WDFY4: variants seen among roughly 807,000 people sequenced by gnomAD.
WDFY4 encodes WD repeat- and FYVE domain-containing protein 4.
Under a neutral mutation model 351.9 loss-of-function variants are expected in WDFY4, and 169 were observed. That is an observed-to-expected ratio of 0.48 (90% CI 0.42 to 0.55). WDFY4 has a LOEUF of 0.55. Among genes scored for constraint, WDFY4 ranks in the 20% least tolerant of loss-of-function variants. The pLI, the probability that WDFY4 is intolerant of heterozygous loss-of-function variation, is 0.00. For synonymous variants in WDFY4, 1,622 were observed against 1,574.6 expected (o/e 1.03, Z -0.71); for missense variants, 3,803 against 3,935.6 (o/e 0.97, Z 0.90).
chr10:48,741,428 G>A (rs926647306), intron 11 of WDFY4, among the ~76,000 whole-genome samples: 16 of 134,950 alleles, frequency 1.2e-4, no homozygotes, highest in Admixed American at 7.3e-4. Context: ...ACTCCAGCCT[G>A]GGTGACAGAG....
chr10:48,770,110 G>C (rs571462613), intron 13 of WDFY4, among the ~76,000 whole-genome samples: 2 of 152,146 alleles, frequency 1.3e-5, no homozygotes, highest in Non-Finnish European at 2.9e-5. Context: ...AAAAAACAGC[G>C]CATTTTATTC....
At position 48,806,075 on chromosome 10, in the gene WDFY4, C is replaced by A; in HGVS notation, c.4718C>A (p.Ala1573Asp). 1 of 1,551,668 alleles carries A rather than the reference C, an allele frequency of 6.4e-7. No homozygotes were observed. The highest frequency in any genetic ancestry group is 8.7e-7 in the Non-Finnish European group (1 of 1,146,986). Residue 1573 changes from alanine to aspartate, a missense_variant, in exon 27 of 62, where the codon GCC becomes GAC. Transcript: ENST00000325239. ...VNERQICMDG[A>D]LDPSLPAGSQ... ...GAGAGGCAGATCTGCATGGACGGAG[C>A]CCTGGACCCTTCCCTGCCTGGTGAG...
chr10:48,802,787 G>A lies in WDFY4; in HGVS notation c.4411-499G>A, dbSNP rs567626621. 844 of 472,202 alleles carry A rather than the reference G, an allele frequency of 1.8e-3. 11 individuals are homozygous for A. Among genetic ancestry groups the A allele is most frequent in the South Asian group, 0.01 (676 of 64,570 alleles). The allele number at this position is 472,202 out of a possible 1,614,324, so 29.3% of individuals were successfully genotyped here. On this transcript the variant is annotated intron_variant, in intron 24 of 61. Coordinates refer to ENST00000325239, the MANE Select transcript of WDFY4 (RefSeq NM_001394531.1). ...AGAATGTGTTGCCTGCGCAAATTGG[G>A]TATGTAGTCAGTACAGTGTAAAACC...
In WDFY4 at chr10:48,775,702, T is replaced by G. The variant is rs1281984665; in HGVS notation, c.2769-10T>G. 1 of 1,550,666 alleles carries G rather than the reference T, an allele frequency of 6.4e-7. No individual in the cohort carries two copies. Among genetic ancestry groups the G allele is most frequent in the African/African-American group, 1.4e-5 (1 of 73,102 alleles). ...TGTCTTCATTTTTTCCTCTTGTATG[T>G]TATGTTCAGACAGTTTCTAGGTCTT... On this transcript the variant is annotated splice_polypyrimidine_tract_variant and intron_variant, in intron 14 of 61. Transcript: ENST00000325239.
intron 2 of WDFY4, among the ~76,000 whole-genome samples, chr10:48,712,334 T>C (rs1425379377): frequency 3.3e-5 from 5 of 152,224 alleles, no homozygotes; most frequent in Admixed American, 3.3e-4. Context: ...CCATTACTTT[T>C]CCACCAGCCT....
intron 40 of WDFY4, among the ~76,000 whole-genome samples, chr10:48,869,352 G>A (rs1183438036): frequency 6.6e-6 from 1 of 152,184 alleles, no homozygotes; most frequent in African/African-American, 2.4e-5. Context: ...CCACAGGGTG[G>A]CCAGTAACAC....
intron 1 of WDFY4, among the ~76,000 whole-genome samples, chr10:48,707,277 G>A (rs1011273749): frequency 6.6e-6 from 1 of 152,170 alleles, no homozygotes; most frequent in Admixed American, 6.5e-5. Flanking sequence ...ATGCCAAGCA[G>A]GGTGGTAATG....
chr10:48,796,438 C>G lies in WDFY4; in HGVS notation c.4398C>G (p.Leu1466=). The G allele has an allele frequency of 6.4e-7, 1 of 1,551,312 alleles. No individual in the cohort carries two copies. Among genetic ancestry groups the G allele is most frequent in the East Asian group, 2.4e-5 (1 of 40,924 alleles). ...ACACTGGTGTCTTCCAGCACATCCT[C>G]TGCAATTTCGAGGTAAATCAGAGAT... is the stretch of plus-strand genomic sequence containing the variant. The part of the protein sequence containing the change: ...ITNTGVFQHI[L]CNFELWMNTA... The change falls in exon 24 of 62, where the codon CTC becomes CTG. Residue 1466 remains leucine (L), a synonymous_variant. Coordinates refer to ENST00000325239, the MANE Select transcript of WDFY4 (RefSeq NM_001394531.1).
At chr10:48,968,884 A>G (rs1201931889) in intron 55 of WDFY4, 180 bp from the exon 56 acceptor site, 1 of 632,232 alleles carries the variant, frequency 1.6e-6, no homozygotes, top group Middle Eastern at 4.4e-4. Flanking sequence ...CCTTCTGTGC[A>G]TAAGTTCAAG....
intron 53 of WDFY4, among the ~76,000 whole-genome samples, chr10:48,962,541 G>A (rs998857634): frequency 6.6e-6 from 1 of 152,198 alleles, no homozygotes; most frequent in Non-Finnish European, 1.5e-5. Context: ...TCTTGCTCAT[G>A]TGTGACACCT....
intron 22 of WDFY4, among the ~76,000 whole-genome samples, chr10:48,790,234 G>A (rs1337177531): frequency 2.0e-5 from 3 of 152,248 alleles, no homozygotes; most frequent in South Asian, 2.1e-4. Flanking sequence ...TGTCTGTGAC[G>A]ACAGGAAGCT....
Position 48,735,938 on chromosome 10 carries a change from C to G in WDFY4, c.1746C>G (p.Cys582Trp), listed in dbSNP as rs78284388. 7.8e-4 allele frequency: 1,215 copies of G among 1,551,762 alleles called. 30 individuals carry two copies. In the East Asian group the frequency reaches 0.029, roughly 38 times the overall value. The change falls in exon 11 of 62, where the codon TGC (cysteine) becomes TGG (tryptophan). Residue 582 changes from cysteine (C) to tryptophan (W), a missense_variant. By Grantham distance (215) the Cys-to-Trp change is radical (BLOSUM62 -2). Around this residue, in one of 3 missense-constraint regions of WDFY4, gnomAD observed 261 missense variants for 330.2 expected, o/e 0.79. Transcript: ENST00000325239. ...PFIKIFLDDE[C>W]YREASLSILE... ...TCAAGATCTTCCTGGATGACGAGTGCTACCGGGAGGCCTCGCTCAGCATCT... is the reference window on the plus strand; with the variant it reads ...TCAAGATCTTCCTGGATGACGAGTGGTACCGGGAGGCCTCGCTCAGCATCT...
chr10:48,894,094 C>T (rs1259871134), intron 44 of WDFY4, among the ~76,000 whole-genome samples: 1 of 152,176 alleles, frequency 6.6e-6, no homozygotes, highest in Non-Finnish European at 1.5e-5. Context: ...ATTTGGAAGT[C>T]AATCAGGGGA....
At chr10:48,936,667 C>T (rs1232227118) in intron 47 of WDFY4, among the ~76,000 whole-genome samples, 3 of 151,614 alleles carry the variant, frequency 2.0e-5, no homozygotes, top group African/African-American at 7.3e-5. Flanking sequence ...GAAACCCCGT[C>T]TCTACTAAAA....
intron 26 of WDFY4, among the ~76,000 whole-genome samples, chr10:48,805,629 T>C (rs894724538): frequency 6.6e-6 from 1 of 152,212 alleles, no homozygotes; most frequent in African/African-American, 2.4e-5. Flanking sequence ...GCTGTGTGTT[T>C]ACTGTTCCCA....
At position 48,966,616 on chromosome 10, in the gene WDFY4, C is replaced by G. The variant is rs1170977851; in HGVS notation, c.8527C>G (p.Pro2843Ala). Reference sequence around the variant, plus strand: ...CACCCCCGTGAGCCTGCCTGGCCACCCACAGCCCTTTTTCTACAGCCTGCA... The same window carrying G: ...CACCCCCGTGAGCCTGCCTGGCCACGCACAGCCCTTTTTCTACAGCCTGCA... ...VSTPVSLPGHPQPFFYSLQSL... is the reference protein window; with the variant it reads ...VSTPVSLPGHAQPFFYSLQSL... The change falls in exon 55 of 62, where the codon CCA becomes GCA. Residue 2843 changes from proline to alanine, a missense_variant. Coordinates refer to ENST00000325239, the MANE Select transcript of WDFY4 (RefSeq NM_001394531.1). 6 of 1,551,832 alleles carry G rather than the reference C, an allele frequency of 3.9e-6. No individual in the cohort carries two copies. In the East Asian group the frequency reaches 1.5e-4, roughly 38 times the overall value.
intron 49 of WDFY4, 42 bp from the exon 50 acceptor site, chr10:48,945,998 C>T (rs772187713): frequency 1.7e-5 from 23 of 1,348,052 alleles, no homozygotes; most frequent in African/African-American, 1.1e-4. Context: ...AGGGCACAAG[C>T]GGGTCTGGGG....
chr10:48,970,887 G>T (rs1024307707), intron 57 of WDFY4, among the ~76,000 whole-genome samples: 1 of 152,212 alleles, frequency 6.6e-6, no homozygotes, highest in Non-Finnish European at 1.5e-5. Context: ...CTGAGGATGT[G>T]CACCACCAGC....
chr10:48,906,192 T>C (rs1589846223), intron 47 of WDFY4, among the ~76,000 whole-genome samples: 1 of 152,370 alleles, frequency 6.6e-6, no homozygotes, highest in East Asian at 1.9e-4. Context: ...TGTGCCGTTC[T>C]GAGGGTTTTC....
Sources: gnomAD v4.1 joint callset for allele counts (sites outside exome capture counted in the v4.1 genomes callset) on GRCh38, gnomAD v4.1.1 for gene constraint, gnomAD v4.1.1 regional missense constraint, MANE v1.5 for transcripts, NCBI Gene and HGNC (gene_info 2026-07-23, HGNC 2026-07-21) for gene names.